Variants in CSMD1 observed in about 807,000 individuals in gnomAD.
CSMD1 encodes CUB and sushi domain-containing protein 1.
CSMD1 carries 213 observed loss-of-function variants against 417.5 expected under a neutral mutation model. That is an observed-to-expected ratio of 0.51 (90% CI 0.46 to 0.57). CSMD1 has a LOEUF of 0.57. CSMD1 is among the 20% of genes least tolerant of loss of function. The probability of loss-of-function intolerance (pLI) is 0.00; values close to 1 mark genes in which losing one functional copy is unlikely to be tolerated. For synonymous variants in CSMD1, 2,862 were observed against 1,736.8 expected, an observed-to-expected ratio of 1.65 and a Z score of -16.11; for missense variants, 6,923 against 4,529.7, an observed-to-expected ratio of 1.53 and a Z score of -15.17.
At position 3,750,893 on chromosome 8, in the gene CSMD1, G is replaced by T. The variant is rs79179317; in HGVS notation, c.931+3037C>A. ...TCCTTGGTAACAGTTCTGCCCTCTGGATCCAGAAAAATAATCGTAGTGCCT... is the reference window on the plus strand; with the variant it reads ...TCCTTGGTAACAGTTCTGCCCTCTGTATCCAGAAAAATAATCGTAGTGCCT... On this transcript the variant is annotated intron_variant, in intron 6 of 69. Transcript: ENST00000635120. 4.6e-3 allele frequency among the ~76,000 whole-genome samples: 699 copies of T among 152,224 alleles called. 7 individuals carry two copies. The highest frequency in any genetic ancestry group is 0.016 in the African/African-American group (658 of 41,530).
intron 7 of CSMD1, among the ~76,000 whole-genome samples, chr8:3,652,060 ACTTACCCCCATCAGAGCG>A (rs1357065385): frequency 1.1e-4 from 17 of 148,232 alleles, no homozygotes; most frequent in South Asian, 2.2e-4. Flanking sequence ...CCACCATCGC[ACTTACCCCCATCAGAGCG>A]CTTACCACCA....
intron 7 of CSMD1, among the ~76,000 whole-genome samples, chr8:3,695,839 T>C (rs977023744): frequency 5.1e-4 from 77 of 152,202 alleles, no homozygotes; most frequent in African/African-American, 1.8e-3. Flanking sequence ...CATTATTTGT[T>C]TCATTTCACA....
At chr8:4,316,130 A>G (rs1798913989) in intron 3 of CSMD1, among the ~76,000 whole-genome samples, 1 of 152,118 alleles carries the variant, frequency 6.6e-6, no homozygotes, top group Non-Finnish European at 1.5e-5. Flanking sequence ...TTAACCATTC[A>G]AAAACCTTCA....
chr8:4,287,840 A>G (rs996375403), intron 3 of CSMD1, among the ~76,000 whole-genome samples: 2 of 152,020 alleles, frequency 1.3e-5, no homozygotes, highest in Non-Finnish European at 2.9e-5. Flanking sequence ...TTAGTGGGAG[A>G]AGTGCCTCCC....
At chr8:3,900,241 G>A (rs997350278) in intron 5 of CSMD1, among the ~76,000 whole-genome samples, 1 of 151,018 alleles carries the variant, frequency 6.6e-6, no homozygotes. Context: ...CAGTGGAGCT[G>A]GGTAACAGGG....
chr8:3,129,937 C>T (rs983672503), intron 41 of CSMD1, among the ~76,000 whole-genome samples: 10 of 151,760 alleles, frequency 6.6e-5, no homozygotes, highest in East Asian at 5.8e-4. Flanking sequence ...GCCGAGATCG[C>T]GCCACTGCAC....
chr8:3,028,995 T>A (rs1385030995), intron 51 of CSMD1, among the ~76,000 whole-genome samples: 1 of 152,206 alleles, frequency 6.6e-6, no homozygotes, highest in Non-Finnish European at 1.5e-5. Flanking sequence ...TTAGAACTCT[T>A]GAATAGTCTG....
chr8:3,152,759 G>C (rs185396389), intron 39 of CSMD1, among the ~76,000 whole-genome samples: 19 of 152,254 alleles, frequency 1.2e-4, no homozygotes, highest in African/African-American at 4.6e-4. Flanking sequence ...ACCTCTCAAG[G>C]CGACTTCTTT....
intron 2 of CSMD1, among the ~76,000 whole-genome samples, chr8:4,441,362 C>G (rs996122108): frequency 6.8e-6 from 1 of 147,290 alleles, no homozygotes; most frequent in Non-Finnish European, 1.5e-5. Flanking sequence ...ATCCTCCTGT[C>G]TGAGCCTCCT....
chr8:4,124,755 C>A (rs1027356426), intron 3 of CSMD1, among the ~76,000 whole-genome samples: 2 of 152,166 alleles, frequency 1.3e-5, no homozygotes, highest in African/African-American at 4.8e-5. Flanking sequence ...AACTAAGGGA[C>A]TGAAACTTCA....
intron 1 of CSMD1, among the ~76,000 whole-genome samples, chr8:4,907,721 G>A (rs1224239399): frequency 2.2e-5 from 2 of 90,918 alleles, no homozygotes; most frequent in African/African-American, 7.0e-5. Context: ...ACTATCCCCG[G>A]CAATTTTTTT....
chr8:4,937,952 T>C (rs142923784), intron 1 of CSMD1, among the ~76,000 whole-genome samples: 4 of 152,334 alleles, frequency 2.6e-5, no homozygotes, highest in Admixed American at 2.6e-4. Context: ...TTTTTATTAA[T>C]TTTAATCTGT....
At chr8:3,328,723 G>A (rs1230951442) in intron 23 of CSMD1, among the ~76,000 whole-genome samples, 1 of 152,058 alleles carries the variant, frequency 6.6e-6, no homozygotes, top group Non-Finnish European at 1.5e-5. Flanking sequence ...AAACCGACAA[G>A]ACAGTAATAA....
chr8:3,439,309 A>ATATATTT lies in CSMD1; in HGVS notation c.1561+29402_1561+29403insAAATATA. On this transcript the variant is annotated intron_variant, in intron 12 of 69. Coordinates refer to ENST00000635120, the MANE Select transcript of CSMD1 (RefSeq NM_033225.6). ...TATATATATATATATATATATATAT[A>ATATATTT]TTTTTTTTTTTAATATGTATTTTTA... 3.3e-3 allele frequency among the ~76,000 whole-genome samples: 207 copies of ATATATTT among 62,420 alleles called. 7 individuals are homozygous for ATATATTT. Among genetic ancestry groups the ATATATTT allele is most frequent in the African/African-American group, 0.011 (168 of 15,016 alleles). 40.9% of individuals were successfully genotyped at this position (62,420 alleles called of 152,430 possible).
In CSMD1 at chr8:3,669,580, G is replaced by C. The variant is rs536087779; in HGVS notation, c.1009+38834C>G. ...AAGGAGGGGAATGTAGCCTGAATGA[G>C]ACTCTTCCGGACAGAAAATCACGAC... On this transcript the variant is annotated intron_variant, in intron 7 of 69. Transcript: ENST00000635120. 4.6e-5 allele frequency among the ~76,000 whole-genome samples: 7 copies of C among 152,286 alleles called. No homozygotes were observed. The East Asian group carries it at 5.8e-4, about 13-fold the overall frequency.
chr8:3,240,794 G>C (rs988310166), intron 26 of CSMD1, among the ~76,000 whole-genome samples: 2 of 152,178 alleles, frequency 1.3e-5, no homozygotes, highest in African/African-American at 2.4e-5. Flanking sequence ...AAAACAATCT[G>C]GTTGATAAGG....
Position 4,265,446 on chromosome 8 carries a change from C to T in CSMD1, c.415+154507G>A, listed in dbSNP as rs532814149. Among the ~76,000 whole-genome samples, 4 of 106,336 alleles carry T rather than the reference C, an allele frequency of 3.8e-5. 2 individuals carry two copies. The East Asian group carries it at 1.0e-3, about 27-fold the overall frequency. 69.8% of individuals were successfully genotyped at this position (106,336 alleles called of 152,430 possible). On this transcript the variant is annotated intron_variant, in intron 3 of 69. Transcript: ENST00000635120. ...AGCCAGTTGAAAAAGTGTCCTCTAA[C>T]TTAATTTGACCTCGACTGTTATTGG... is the stretch of plus-strand genomic sequence containing the variant.
chr8:4,215,886 G>A (rs921643916), intron 3 of CSMD1, among the ~76,000 whole-genome samples: 2 of 151,918 alleles, frequency 1.3e-5, no homozygotes, highest in African/African-American at 4.8e-5. Context: ...AATAAAGCAG[G>A]GACAAAAAAA....
intron 12 of CSMD1, among the ~76,000 whole-genome samples, chr8:3,429,474 A>C (rs1387297174): frequency 6.6e-6 from 1 of 152,184 alleles, no homozygotes; most frequent in African/African-American, 2.4e-5. Flanking sequence ...ACAGATGTTC[A>C]CTGACCTTCA....
Sources: allele counts gnomAD v4.1 joint callset (sites outside exome capture counted in the v4.1 genomes callset), GRCh38; gene constraint gnomAD v4.1.1; transcripts MANE v1.5; gene names NCBI Gene and HGNC (gene_info 2026-07-23, HGNC 2026-07-21).